Variants in BCL2L13 observed in about 807,000 individuals in gnomAD.
The protein encoded by BCL2L13 is BCL2 like 13.
A neutral mutation model predicts 25.8 loss-of-function variants in BCL2L13; 13 were observed. The ratio of observed to expected loss-of-function variants is 0.50; its 90% CI spans 0.33 to 0.80. The LOEUF (loss-of-function observed/expected upper bound fraction) is 0.80. Among genes scored for constraint, BCL2L13 ranks in the 30% least tolerant of loss-of-function variants. BCL2L13 has a pLI of 0.02. For missense variants in BCL2L13, 504 were observed against 574.9 expected (o/e 0.88, Z 1.26); for synonymous variants, 244 against 230.3 (o/e 1.06, Z -0.54).
chr22:17,656,970 TGC>T (rs1429078950), intron 2 of BCL2L13, among the ~76,000 whole-genome samples: 2 of 152,074 alleles, frequency 1.3e-5, no homozygotes, highest in Non-Finnish European at 2.9e-5. Context: ...AGGCGCACGC[TGC>T]CACGCCCGGC....
At chr22:17,714,410 C>T (rs1329694595) in intron 6 of BCL2L13, among the ~76,000 whole-genome samples, 1 of 151,908 alleles carries the variant, frequency 6.6e-6, no homozygotes, top group African/African-American at 2.4e-5. Context: ...CAAGATGGTG[C>T]AACTGCACTC....
At chr22:17,638,965 C>G in intron 1 of BCL2L13, 79 bp downstream of exon 1, 2 of 1,130,090 alleles carry the variant, frequency 1.8e-6, no homozygotes, top group Non-Finnish European at 2.2e-6. Context: ...GCCCAGAGAC[C>G]GTATCGAGCC....
chr22:17,638,873 G>A lies in BCL2L13; in HGVS notation c.-64G>A. On this transcript the variant is annotated 5_prime_UTR_variant, in exon 1 of 7. Coordinates refer to ENST00000317582, the MANE Select transcript of BCL2L13 (RefSeq NM_015367.4). ...CGCCTCTTTCATCTCTTCTGGGGCA[G>A]GGGCCAGGGCCAGGTGAGGGGAGTG... 2.4e-6 allele frequency: 3 copies of A among 1,232,672 alleles called. No individual in the cohort carries two copies. The highest frequency in any genetic ancestry group is 2.0e-6 in the Non-Finnish European group (2 of 988,770). 76.4% of individuals were successfully genotyped at this position (1,232,672 alleles called of 1,614,324 possible).
At chr22:17,713,087 C>A (rs1405711129) in intron 6 of BCL2L13, among the ~76,000 whole-genome samples, 5 of 152,122 alleles carry the variant, frequency 3.3e-5, no homozygotes, top group Non-Finnish European at 7.4e-5. Flanking sequence ...TGCCTGGGTC[C>A]TACCTTTATT....
At chr22:17,684,739 A>ATTTT in intron 3 of BCL2L13, 1 of 323,910 alleles carries the variant, frequency 3.1e-6, no homozygotes, top group Non-Finnish European at 6.0e-6. Flanking sequence ...AATTTTTTGT[A>ATTTT]TTTTTTTTTT....
intron 6 of BCL2L13, among the ~76,000 whole-genome samples, chr22:17,708,751 G>A (rs2060658597): frequency 6.6e-6 from 1 of 152,154 alleles, no homozygotes; most frequent in Non-Finnish European, 1.5e-5. Context: ...TTTTATGTCA[G>A]TGAAGCCAAA....
At position 17,710,370 on chromosome 22, in the gene BCL2L13, C is replaced by G. The variant is rs1341804218; in HGVS notation, c.600+7984C>G. Among the ~76,000 whole-genome samples the G allele has an allele frequency of 2.6e-5, 4 of 151,414 alleles. No homozygotes were observed. The East Asian group carries it at 7.8e-4, about 30-fold the overall frequency. On this transcript the variant is annotated intron_variant, in intron 6 of 6. Transcript: ENST00000317582. ...CCGAGGCAGGCAGATCATTTGAGGT[C>G]AGGACTTTGAGACCAGCAACATGGT...
At position 17,727,602 on chromosome 22, in the gene BCL2L13, C is replaced by G; in HGVS notation, c.*68C>G. On this transcript the variant is annotated 3_prime_UTR_variant, in exon 7 of 7. Coordinates refer to ENST00000317582, the MANE Select transcript of BCL2L13 (RefSeq NM_015367.4). ...GTTGTATTGGCTGGAATTTGAACCTCCAGCAGCTGTCTGGACATTTGTGGA... is the reference window on the plus strand; with the variant it reads ...GTTGTATTGGCTGGAATTTGAACCTGCAGCAGCTGTCTGGACATTTGTGGA... 6.3e-7 allele frequency: 1 copy of G among 1,575,596 alleles called. No individual in the cohort carries two copies. Among genetic ancestry groups the G allele is most frequent in the South Asian group, 1.1e-5 (1 of 87,590 alleles).
At chr22:17,685,896 T>C (rs1173116009) in intron 3 of BCL2L13, among the ~76,000 whole-genome samples, 2 of 147,346 alleles carry the variant, frequency 1.4e-5, no homozygotes, top group East Asian at 2.2e-4. Flanking sequence ...CTCAGCCTCC[T>C]GAGTAGCTGG....
rs1348766964 is a variant in BCL2L13 at position 17,730,834 on chromosome 22, T to A, written c.*3300T>A. On this transcript the variant is annotated 3_prime_UTR_variant, in exon 7 of 7. Transcript: ENST00000317582. ...TACCAGAATAATGTTTCCTCTTCTC[T>A]GGTGCACCAAAACCTGCCCTTAGTG... 1 of 152,140 alleles carries A rather than the reference T, an allele frequency of 6.6e-6. No individual in the cohort carries two copies. Among genetic ancestry groups the A allele is most frequent in the East Asian group, 1.9e-4 (1 of 5,194 alleles). The allele number at this position is 152,140 out of a possible 1,614,324, so 9.4% of individuals were successfully genotyped here.
At position 17,664,205 on chromosome 22, in the gene BCL2L13, G is replaced by A. The variant is rs147799616; in HGVS notation, c.121+8373G>A. 2.5e-3 allele frequency among the ~76,000 whole-genome samples: 373 copies of A among 152,000 alleles called. 12 individuals carry two copies. In the East Asian group the frequency reaches 0.065, roughly 26 times the overall value. ...TTCACCATCTTGGCCGGCTGGTCTC[G>A]AACTCCTGACCTCAGGTGATCCAGC... On this transcript the variant is annotated intron_variant, in intron 2 of 6. Transcript: ENST00000317582.
chr22:17,685,523 C>T lies in BCL2L13; in HGVS notation c.229+2202C>T, dbSNP rs1422055967. Among the ~76,000 whole-genome samples the T allele has an allele frequency of 2.0e-5, 3 of 152,010 alleles. No homozygotes were observed. The South Asian group carries it at 6.2e-4, about 32-fold the overall frequency. On this transcript the variant is annotated intron_variant, in intron 3 of 6. Coordinates refer to ENST00000317582, the MANE Select transcript of BCL2L13 (RefSeq NM_015367.4). ...ACAGGCGTGAACAACTGCACCTGGC[C>T]GACTTAGCATAATGTTTTCAAGGGT...
At chr22:17,686,626 T>G (rs756547152) in intron 3 of BCL2L13, among the ~76,000 whole-genome samples, 2 of 151,524 alleles carry the variant, frequency 1.3e-5, no homozygotes, top group Non-Finnish European at 2.9e-5. Flanking sequence ...TTCTCCTGCC[T>G]CAGCCTCCTG....
At chr22:17,643,875 A>G (rs986097160) in intron 1 of BCL2L13, among the ~76,000 whole-genome samples, 2 of 151,354 alleles carry the variant, frequency 1.3e-5, no homozygotes, top group Non-Finnish European at 2.9e-5. Flanking sequence ...GGCTTCCCAA[A>G]GTGCTGGGAT....
chr22:17,726,586 TC>T (rs2061304892), intron 6 of BCL2L13, 90 bp from the exon 7 acceptor site: 2 of 1,408,846 alleles, frequency 1.4e-6, no homozygotes, highest in Non-Finnish European at 1.9e-6. Context: ...TCCTAGAACT[TC>T]AGTTTAGGAA....
chr22:17,710,866 G>C (rs185880308), intron 6 of BCL2L13, among the ~76,000 whole-genome samples: 3 of 151,582 alleles, frequency 2.0e-5, no homozygotes, highest in African/African-American at 7.3e-5. Flanking sequence ...GACAGAGCGA[G>C]ACTCCGTCTC....
intron 2 of BCL2L13, among the ~76,000 whole-genome samples, chr22:17,659,056 TAAAAA>T (rs752881083): frequency 1.4e-4 from 4 of 28,094 alleles, no homozygotes; most frequent in Admixed American, 1.1e-3. Flanking sequence ...AGACTCCATC[TAAAAA>T]AAAAAAAAAA....
In BCL2L13 at chr22:17,702,372, C is replaced by A; in HGVS notation, c.586C>A (p.Gln196Lys). The change falls in exon 6 of 7, where the codon CAG becomes AAG. Residue 196 changes from glutamine to lysine, a missense_variant. By Grantham distance (53) the Gln-to-Lys change is moderately conservative. Transcript: ENST00000317582. ...GGACTATTCGGCAGAGTACATCATTCAGCAAGGTGGCTGGGTATGAGCTGT... is the reference window on the plus strand; with the variant it reads ...GGACTATTCGGCAGAGTACATCATTAAGCAAGGTGGCTGGGTATGAGCTGT... ...LEDYSAEYII[Q>K]QGGWGTVFSL... The A allele has an allele frequency of 6.3e-7, 1 of 1,593,816 alleles. No homozygotes were observed. Among genetic ancestry groups the A allele is most frequent in the Non-Finnish European group, 8.5e-7 (1 of 1,171,888 alleles).
chr22:17,721,806 G>A (rs901215415), intron 6 of BCL2L13, among the ~76,000 whole-genome samples: 5 of 151,694 alleles, frequency 3.3e-5, no homozygotes, highest in South Asian at 4.2e-4. Context: ...GATTACAGGC[G>A]TGAGCCACCA....
Sources: gnomAD v4.1 joint callset for allele counts (sites outside exome capture counted in the v4.1 genomes callset) on GRCh38, gnomAD v4.1.1 for gene constraint, MANE v1.5 for transcripts, NCBI Gene and HGNC (gene_info 2026-07-23, HGNC 2026-07-21) for gene names.